CPB2: variants seen among roughly 807,000 people sequenced by gnomAD.
CPB2 encodes the protein carboxypeptidase B-like protein.
In CPB2, 54 loss-of-function variants were observed where a neutral mutation model predicts 57.0. That is an observed-to-expected ratio of 0.95 (90% confidence interval 0.76 to 1.19). The LOEUF (loss-of-function observed/expected upper bound fraction) is 1.19, where lower values mean the gene tolerates loss of function less well. CPB2 is among the 50% of genes most tolerant of loss of function. CPB2 has a pLI of 0.00. For missense variants in CPB2, 426 were observed against 512.0 expected, an observed-to-expected ratio of 0.83 and a Z score of 1.62; for synonymous variants, 189 against 178.1, an observed-to-expected ratio of 1.06 and a Z score of -0.49.
Position 46,090,724 on chromosome 13 carries a change from C to T in CPB2, c.75-2904G>A, listed in dbSNP as rs114678629. Reference sequence around the variant, plus strand: ...CAATTTTATCCATAAAGATGTTGCACTTTTTTTTTTTCTTTTTGAGACGGA... The same window carrying T: ...CAATTTTATCCATAAAGATGTTGCATTTTTTTTTTTTCTTTTTGAGACGGA... On this transcript the variant is annotated intron_variant, in intron 1 of 10. Transcript: ENST00000181383. Among the ~76,000 whole-genome samples the T allele has an allele frequency of 6.8e-3, 1,004 of 148,478 alleles. 13 individuals are homozygous for T. The highest frequency in any genetic ancestry group is 0.023 in the African/African-American group (936 of 40,364).
At chr13:46,083,723 G>T (rs1593906510) in intron 3 of CPB2, among the ~76,000 whole-genome samples, 1 of 152,172 alleles carries the variant, frequency 6.6e-6, no homozygotes, top group Non-Finnish European at 1.5e-5. Context: ...AATTCCCCCA[G>T]GGTCATATAG....
Position 46,073,991 on chromosome 13 carries a change from C to G in CPB2, c.487-14G>C, listed in dbSNP as rs2044983707. Reference sequence around the variant, plus strand: ...TTTTCCAGAAACCTGCTCAAAGAAACCCCAAAAGTAGCAAAAACAGTAACA... The same window carrying G: ...TTTTCCAGAAACCTGCTCAAAGAAAGCCCAAAAGTAGCAAAAACAGTAACA... On this transcript the variant is annotated splice_polypyrimidine_tract_variant and intron_variant, in intron 5 of 10. Coordinates refer to ENST00000181383, the MANE Select transcript of CPB2 (RefSeq NM_001872.5). 6.5e-7 allele frequency: 1 copy of G among 1,528,956 alleles called. No homozygotes were observed. The highest frequency in any genetic ancestry group is 1.4e-5 in the African/African-American group (1 of 73,492). The allele number at this position is 1,528,956 out of a possible 1,614,324, so 94.7% of individuals were successfully genotyped here. A position where few individuals can be genotyped will look rare whatever the true frequency, so the allele number is the denominator to read the frequency against.
rs1215201006 is a variant in CPB2 at position 46,066,849 on chromosome 13, A to AG, written c.702+457_702+458insC. Among the ~76,000 whole-genome samples, 4 of 68,398 alleles carry AG rather than the reference A, an allele frequency of 5.8e-5. No individual in the cohort carries two copies. In the East Asian group the frequency reaches 1.4e-3, roughly 24 times the overall value. 44.9% of individuals were successfully genotyped at this position (68,398 alleles called of 152,430 possible). A position where few individuals can be genotyped will look rare whatever the true frequency, so the allele number is the denominator to read the frequency against. On this transcript the variant is annotated intron_variant, in intron 7 of 10. Coordinates refer to ENST00000181383, the MANE Select transcript of CPB2 (RefSeq NM_001872.5). The stretch of plus-strand genomic sequence containing the variant: ...GACAGAGCAAGACACCATCTCAAAA[A>AG]AAAAAAAAAAAAAAAGTTATTATAC...
intron 4 of CPB2, among the ~76,000 whole-genome samples, chr13:46,079,535 C>CAAAAAAA (rs58164990): frequency 2.3e-4 from 25 of 110,968 alleles, no homozygotes; most frequent in Non-Finnish European, 3.6e-4. Context: ...AAGGAAAAAG[C>CAAAAAAA]AAAAAAAAAA....
At chr13:46,055,002 C>T (rs1441593898) in intron 10 of CPB2, among the ~76,000 whole-genome samples, 1 of 151,496 alleles carries the variant, frequency 6.6e-6, no homozygotes, top group Non-Finnish European at 1.5e-5. Context: ...CCTCCTGCCT[C>T]AGCCTCCCAA....
In CPB2 at chr13:46,098,437, A is replaced by T. The variant is rs573328720; in HGVS notation, c.74+6499T>A. ...CAAAACCCCAGAAGAGTTGATCTCAAAGCTTATTTTATGAAGAAAATTGAC... is the reference window on the plus strand; with the variant it reads ...CAAAACCCCAGAAGAGTTGATCTCATAGCTTATTTTATGAAGAAAATTGAC... On this transcript the variant is annotated intron_variant, in intron 1 of 10. Coordinates refer to ENST00000181383, the MANE Select transcript of CPB2 (RefSeq NM_001872.5). 3.9e-5 allele frequency: 6 copies of T among 152,332 alleles called. No homozygotes were observed. The East Asian group carries it at 1.2e-3, about 29-fold the overall frequency. 9.4% of individuals were successfully genotyped at this position (152,332 alleles called of 1,614,324 possible). A position where few individuals can be genotyped will look rare whatever the true frequency, so the allele number is the denominator to read the frequency against.
At chr13:46,100,651 C>T (rs1194164225) in intron 1 of CPB2, 1 of 152,182 alleles carries the variant, frequency 6.6e-6, no homozygotes, top group Non-Finnish European at 1.5e-5. Context: ...TGGTGCCTGG[C>T]TTCTCCTGAT....
rs751509966 is a variant in CPB2, at chr13:46,053,656, G to A, written c.1230C>T (p.Ala410=). 18 of 1,614,010 alleles carry A rather than the reference G, an allele frequency of 1.1e-5. No individual in the cohort carries two copies. In the African/African-American group the frequency reaches 2.1e-4, roughly 19 times the overall value. The change falls in exon 11 of 11, where the codon GCC becomes GCT. Residue 410 remains alanine (A), a synonymous_variant. Transcript: ENST00000181383. ...YIKPTCREAF[A]AVSKIAWHVI... is the part of the protein sequence containing the mutation. ...CATGCCAAGCTATTTTAGAGACAGC[G>A]GCAAAAGCTTCTCTACAGGTGGGTT...
chr13:46,094,219 C>T (rs1210562206), intron 1 of CPB2, among the ~76,000 whole-genome samples: 10 of 152,150 alleles, frequency 6.6e-5, no homozygotes, highest in African/African-American at 1.7e-4. Context: ...TTCTAGTGTG[C>T]TCTATCTCTT....
At chr13:46,087,641 T>C in intron 2 of CPB2, 104 bp downstream of exon 2, 1 of 759,584 alleles carries the variant, frequency 1.3e-6, no homozygotes, top group South Asian at 1.6e-5. Flanking sequence ...AGAAGAAGAG[T>C]TCATACCAGA....
intron 6 of CPB2, 54 bp from the exon 7 acceptor site, chr13:46,067,471 A>C (rs1030801028): frequency 2.3e-5 from 21 of 894,790 alleles, no homozygotes; most frequent in Non-Finnish European, 3.8e-5. Flanking sequence ...TTCTAAACTT[A>C]GTGTGTTTCT....
At chr13:46,057,903 A>G (rs2044718232) in intron 9 of CPB2, among the ~76,000 whole-genome samples, 3 of 152,208 alleles carry the variant, frequency 2.0e-5, no homozygotes, top group Admixed American at 6.5e-5. Flanking sequence ...GGTCAAGTGT[A>G]GTAGTAGTTC....
At chr13:46,076,266 CTG>C (rs2045020942) in intron 5 of CPB2, among the ~76,000 whole-genome samples, 1 of 152,092 alleles carries the variant, frequency 6.6e-6, no homozygotes, top group Non-Finnish European at 1.5e-5. Context: ...CACCAAAAAA[CTG>C]TGTTAGAACT....
chr13:46,069,536 G>C (rs1270837837), intron 6 of CPB2, among the ~76,000 whole-genome samples: 1 of 151,878 alleles, frequency 6.6e-6, no homozygotes, highest in Admixed American at 6.6e-5. Flanking sequence ...AATCACTAAT[G>C]AACTTTCTGT....
At chr13:46,084,591 A>G (rs1454186195) in intron 2 of CPB2, among the ~76,000 whole-genome samples, 2 of 152,206 alleles carry the variant, frequency 1.3e-5, no homozygotes, top group African/African-American at 2.4e-5. Flanking sequence ...AAGATAATCC[A>G]TAAATATTTG....
chr13:46,082,623 C>T (rs2045136877), intron 3 of CPB2, 74 bp from the exon 4 acceptor site: 2 of 865,432 alleles, frequency 2.3e-6, no homozygotes, highest in Admixed American at 2.0e-5. Flanking sequence ...ATTGCAGGCA[C>T]AGCAGGTGAG....
At chr13:46,070,621 A>C (rs958565927) in intron 6 of CPB2, among the ~76,000 whole-genome samples, 1 of 152,186 alleles carries the variant, frequency 6.6e-6, no homozygotes, top group Non-Finnish European at 1.5e-5. Flanking sequence ...AAATTAGTAC[A>C]TAACGACATA....
chr13:46,099,392 T>C (rs1566420643), intron 1 of CPB2: 1 of 152,176 alleles, frequency 6.6e-6, no homozygotes, highest in African/African-American at 2.4e-5. Context: ...TTGGGAGTTG[T>C]AGCAAAAGAT....
chr13:46,064,675 TATTCAGGTCTGTTCCGATGCAATG>T lies in CPB2; in HGVS notation c.745_768del (p.His249_Asn256del), dbSNP rs750043616. The T allele has an allele frequency of 6.2e-7, 1 of 1,614,044 alleles. No homozygotes were observed. The highest frequency in any genetic ancestry group is 1.3e-5 in the African/African-American group (1 of 74,948). ...CACCAGTGTTTGGAAGCAAAGTTCC[TATTCAGGTCTGTTCCGATGCAATG>T]ATTGTTCGCATAGAAAGAACGGTTC... On this transcript the variant is annotated inframe_deletion, in exon 8 of 11. Coordinates refer to ENST00000181383, the MANE Select transcript of CPB2 (RefSeq NM_001872.5).
Sources: allele counts gnomAD v4.1 joint callset (sites outside exome capture counted in the v4.1 genomes callset), GRCh38; gene constraint gnomAD v4.1.1; transcripts MANE v1.5; gene names NCBI Gene and HGNC (gene_info 2026-07-23, HGNC 2026-07-21).